The following UBE2E2 variants were observed in gnomAD, a reference collection of about 807,000 sequenced individuals.
The protein encoded by UBE2E2 is ubiquitin-conjugating enzyme E2 E2.
UBE2E2 carries 6 observed loss-of-function variants against 24.7 expected under a neutral mutation model. The ratio of observed to expected loss-of-function variants is 0.24; its 90% CI spans 0.13 to 0.48. The LOEUF (loss-of-function observed/expected upper bound fraction) is 0.48, where lower values mean the gene tolerates loss of function less well. Among genes scored for constraint, UBE2E2 ranks in the 20% least tolerant of loss-of-function variants. The pLI, the probability that UBE2E2 is intolerant of heterozygous loss-of-function variation, is 0.99. For missense variants in UBE2E2, 169 were observed against 245.0 expected (o/e 0.69, Z 2.07); for synonymous variants, 104 against 83.6 (o/e 1.24, Z -1.33).
intron 4 of UBE2E2, among the ~76,000 whole-genome samples, chr3:23,530,157 A>G (rs1200583538): frequency 6.6e-6 from 1 of 152,212 alleles, no homozygotes; most frequent in African/African-American, 2.4e-5. Context: ...TGAAATATGT[A>G]AAGCTTCTTT....
At chr3:23,273,381 A>G (rs1049699393) in intron 3 of UBE2E2, among the ~76,000 whole-genome samples, 3 of 152,096 alleles carry the variant, frequency 2.0e-5, no homozygotes, top group Non-Finnish European at 4.4e-5. Context: ...CAAAAAAAAA[A>G]TTAGCCGGGC....
At chr3:23,446,033 T>C (rs560956096) in intron 3 of UBE2E2, among the ~76,000 whole-genome samples, 2 of 152,150 alleles carry the variant, frequency 1.3e-5, no homozygotes, top group Admixed American at 6.5e-5. Flanking sequence ...AGAAAAAAAA[T>C]AGGTCTTGTA....
intron 2 of UBE2E2, 51 bp from the exon 3 acceptor site, chr3:23,217,210 TG>T (rs1295246913): frequency 1.4e-6 from 2 of 1,477,292 alleles, no homozygotes; most frequent in African/African-American, 2.8e-5. Context: ...TGAAATAAAT[TG>T]TTAAGAGTGA....
At chr3:23,257,527 C>A (rs1429045793) in intron 3 of UBE2E2, among the ~76,000 whole-genome samples, 14 of 14,312 alleles carry the variant, frequency 9.8e-4, no homozygotes, top group African/African-American at 3.5e-3. Context: ...CCCCCCCCCC[C>A]CACTTTTTTT....
intron 5 of UBE2E2, among the ~76,000 whole-genome samples, chr3:23,587,005 T>C: frequency 6.6e-6 from 1 of 152,142 alleles, no homozygotes; most frequent in East Asian, 1.9e-4. Flanking sequence ...CACGAGATGG[T>C]CTTTACTTTC....
chr3:23,439,514 T>G lies in UBE2E2; in HGVS notation c.228-60094T>G, dbSNP rs61677732. 5.6e-4 allele frequency among the ~76,000 whole-genome samples: 86 copies of G among 152,312 alleles called. 3 individuals carry two copies. The East Asian group carries it at 0.015, about 27-fold the overall frequency. ...ATTTGAATTTTAAGCAAGTGAGCCCTGGGGATGGCTAGCTGCCCAAAGTCT... is the reference window on the plus strand; with the variant it reads ...ATTTGAATTTTAAGCAAGTGAGCCCGGGGGATGGCTAGCTGCCCAAAGTCT... On this transcript the variant is annotated intron_variant, in intron 3 of 5. Coordinates refer to ENST00000396703, the MANE Select transcript of UBE2E2 (RefSeq NM_152653.4).
intron 3 of UBE2E2, among the ~76,000 whole-genome samples, chr3:23,230,090 C>T (rs1357476903): frequency 6.6e-6 from 1 of 152,052 alleles, no homozygotes; most frequent in Non-Finnish European, 1.5e-5. Context: ...TATTTATCTC[C>T]CCTCTGCTAT....
intron 5 of UBE2E2, among the ~76,000 whole-genome samples, chr3:23,584,474 G>A (rs962702966): frequency 7.2e-5 from 11 of 151,962 alleles, no homozygotes; most frequent in Non-Finnish European, 1.6e-4. Flanking sequence ...GGAGTTGTCT[G>A]AGCCTTTTTC....
intron 3 of UBE2E2, among the ~76,000 whole-genome samples, chr3:23,279,659 G>A (rs1698444791): frequency 1.3e-5 from 2 of 152,198 alleles, no homozygotes; most frequent in South Asian, 4.1e-4. Flanking sequence ...CTTATCAGGA[G>A]AGAATATTTG....
rs191635048 is a variant in UBE2E2 at position 23,548,928 on chromosome 3, A to G, written c.508+16227A>G. 3.9e-3 allele frequency among the ~76,000 whole-genome samples: 600 copies of G among 152,292 alleles called. 3 individuals carry two copies. The highest frequency in any genetic ancestry group is 4.5e-3 in the Non-Finnish European group (309 of 68,036). On this transcript the variant is annotated intron_variant, in intron 5 of 5. Transcript: ENST00000396703. Reference sequence around the variant, plus strand: ...TCCTGTTCTTCTGGTATGCCAGGGCAAGAATGGCCCCATCAGCTCTCAAAA... The same window carrying G: ...TCCTGTTCTTCTGGTATGCCAGGGCGAGAATGGCCCCATCAGCTCTCAAAA...
At chr3:23,466,121 AAATTAT>A (rs1400825712) in intron 3 of UBE2E2, among the ~76,000 whole-genome samples, 6 of 152,222 alleles carry the variant, frequency 3.9e-5, no homozygotes, top group Admixed American at 1.3e-4. Context: ...ACATTTTTAA[AAATTAT>A]AATTATAAAT....
chr3:23,229,269 G>A (rs1334371340), intron 3 of UBE2E2, among the ~76,000 whole-genome samples: 1 of 152,196 alleles, frequency 6.6e-6, no homozygotes, highest in African/African-American at 2.4e-5. Context: ...TCTTTGAGGT[G>A]ACAGTAGTTT....
intron 3 of UBE2E2, among the ~76,000 whole-genome samples, chr3:23,443,720 G>A: frequency 6.6e-6 from 1 of 152,288 alleles, no homozygotes; most frequent in African/African-American, 2.4e-5. Flanking sequence ...TAAGATACAA[G>A]TAAGGTTGAG....
chr3:23,320,038 G>A (rs574405301), intron 3 of UBE2E2, among the ~76,000 whole-genome samples: 38 of 152,220 alleles, frequency 2.5e-4, no homozygotes, highest in African/African-American at 8.2e-4. Context: ...CACACCCACT[G>A]CAGCCACCAT....
At chr3:23,338,470 A>T (rs754002041) in intron 3 of UBE2E2, among the ~76,000 whole-genome samples, 5 of 152,140 alleles carry the variant, frequency 3.3e-5, no homozygotes, top group Admixed American at 2.0e-4. Context: ...TATATTTCTT[A>T]CTTCTGTTCA....
intron 3 of UBE2E2, among the ~76,000 whole-genome samples, chr3:23,388,821 A>G (rs1444214568): frequency 6.6e-6 from 1 of 151,884 alleles, no homozygotes; most frequent in East Asian, 1.9e-4. Flanking sequence ...CCTGACCAAC[A>G]TGGTGAAACC....
intron 3 of UBE2E2, among the ~76,000 whole-genome samples, chr3:23,430,814 C>G (rs1260111246): frequency 6.6e-6 from 1 of 152,182 alleles, no homozygotes; most frequent in African/African-American, 2.4e-5. Context: ...AGCCACTACA[C>G]CTGGCCTGTT....
At position 23,524,330 on chromosome 3, in the gene UBE2E2, T is replaced by C. The variant is rs144699642; in HGVS notation, c.361-8224T>C. Among the ~76,000 whole-genome samples the C allele has an allele frequency of 5.8e-3, 883 of 152,284 alleles. 10 individuals are homozygous for C. Among genetic ancestry groups the C allele is most frequent in the African/African-American group, 0.021 (853 of 41,558 alleles). ...TACCTTAAAGTGATGCATTCTCAGTTAATCTTATAACTAGTAACTAGGGGA... is the reference window on the plus strand; with the variant it reads ...TACCTTAAAGTGATGCATTCTCAGTCAATCTTATAACTAGTAACTAGGGGA... On this transcript the variant is annotated intron_variant, in intron 4 of 5. Transcript: ENST00000396703.
At chr3:23,366,209 C>T (rs1388892224) in intron 3 of UBE2E2, among the ~76,000 whole-genome samples, 2 of 152,136 alleles carry the variant, frequency 1.3e-5, no homozygotes, top group Non-Finnish European at 2.9e-5. Flanking sequence ...TTATACACTG[C>T]TGGTGTGTGT....
Sources: allele counts gnomAD v4.1 joint callset (sites outside exome capture counted in the v4.1 genomes callset), GRCh38; gene constraint gnomAD v4.1.1; transcripts MANE v1.5; gene names NCBI Gene and HGNC (gene_info 2026-07-23, HGNC 2026-07-21).